The following SPATA6 variants were observed in gnomAD, a reference collection of about 807,000 sequenced individuals.
The protein encoded by SPATA6 is spermatogenesis associated 6.
Under a neutral mutation model 65.3 loss-of-function variants are expected in SPATA6, and 56 were observed. That is an observed-to-expected ratio of 0.86 (90% CI 0.69 to 1.07). The LOEUF is 1.07. Among genes scored for constraint, SPATA6 ranks in the 50% least tolerant of loss-of-function variants. The pLI is 0.00. For synonymous variants in SPATA6, 199 were observed against 213.2 expected, an observed-to-expected ratio of 0.93 and a Z score of 0.58; for missense variants, 590 against 594.8, an observed-to-expected ratio of 0.99 and a Z score of 0.08.
At chr1:48,292,010 A>C (rs1644771342), downstream of SPATA6, among the ~76,000 whole-genome samples, 1 of 152,240 alleles carries the variant, frequency 6.6e-6, no homozygotes, top group African/African-American at 2.4e-5. Context: ...CTCACCAAGC[A>C]TCTAAAGGAC....
At chr1:48,440,070 TC>T (rs1189204625) in intron 3 of SPATA6, among the ~76,000 whole-genome samples, 2 of 151,960 alleles carry the variant, frequency 1.3e-5, no homozygotes, top group East Asian at 3.9e-4. Flanking sequence ...TATCCTAGCC[TC>T]CCCATAGCTC....
At chr1:48,289,203 C>T in the SPATA6 span, among the ~76,000 whole-genome samples, 27 of 152,324 alleles carry the variant, frequency 1.8e-4, no homozygotes, top group African/African-American at 5.3e-4. Flanking sequence ...TGCTGTTCTG[C>T]AGCCTCCGCT....
intron 11 of SPATA6, among the ~76,000 whole-genome samples, chr1:48,326,833 C>T (rs1645776102): frequency 6.6e-6 from 1 of 152,056 alleles, no homozygotes; most frequent in Non-Finnish European, 1.5e-5. Flanking sequence ...TTATCTCTCA[C>T]CATACACAGT....
chr1:48,317,561 A>T (rs1645474074), intron 11 of SPATA6, among the ~76,000 whole-genome samples: 1 of 152,172 alleles, frequency 6.6e-6, no homozygotes, highest in Non-Finnish European at 1.5e-5. Context: ...TAGCATTAGG[A>T]GATATACCTA....
intron 3 of SPATA6, among the ~76,000 whole-genome samples, chr1:48,422,977 G>A (rs1015748801): frequency 2.6e-5 from 4 of 152,024 alleles, no homozygotes; most frequent in African/African-American, 9.7e-5. Context: ...ATGAATGGTA[G>A]TATACTCATA....
the SPATA6 span, among the ~76,000 whole-genome samples, chr1:48,279,579 CAAAG>C: frequency 2.0e-5 from 3 of 152,094 alleles, no homozygotes; most frequent in Non-Finnish European, 4.4e-5. Flanking sequence ...TAAAAAGAGA[CAAAG>C]AAGCCCATTA....
At chr1:48,281,361 G>T in the SPATA6 span, among the ~76,000 whole-genome samples, 4 of 151,652 alleles carry the variant, frequency 2.6e-5, no homozygotes, top group Non-Finnish European at 5.9e-5. Context: ...AGGAAATAAA[G>T]GGTATTCAAT....
intron 11 of SPATA6, among the ~76,000 whole-genome samples, chr1:48,354,233 ACAAT>A (rs1055554879): frequency 2.0e-5 from 3 of 152,150 alleles, no homozygotes; most frequent in African/African-American, 7.2e-5. Context: ...ATACACACAC[ACAAT>A]CAGTCAAAGA....
chr1:48,283,206 A>C, the SPATA6 span, among the ~76,000 whole-genome samples: 3 of 107,596 alleles, frequency 2.8e-5, no homozygotes, highest in South Asian at 3.6e-4. Flanking sequence ...GGGGGGAGGG[A>C]TAGCTTTAGG....
chr1:48,387,114 CAA>C (rs1649556289), intron 8 of SPATA6, among the ~76,000 whole-genome samples: 1 of 152,134 alleles, frequency 6.6e-6, no homozygotes, highest in African/African-American at 2.4e-5. Context: ...TGGCAGCAGG[CAA>C]AGAGAGAGAA....
At chr1:48,433,643 A>G (rs1048252710) in intron 3 of SPATA6, among the ~76,000 whole-genome samples, 5 of 152,172 alleles carry the variant, frequency 3.3e-5, no homozygotes, top group African/African-American at 1.2e-4. Context: ...CAGCACAAAC[A>G]GCTGCTATAA....
intron 3 of SPATA6, among the ~76,000 whole-genome samples, chr1:48,446,669 T>C (rs1557720777): frequency 6.6e-6 from 1 of 152,142 alleles, no homozygotes; most frequent in Admixed American, 6.6e-5. Flanking sequence ...ACCATCAGAT[T>C]ATATGAAGCA....
chr1:48,281,666 T>A, the SPATA6 span, among the ~76,000 whole-genome samples: 2 of 151,444 alleles, frequency 1.3e-5, no homozygotes, highest in South Asian at 4.2e-4. Flanking sequence ...TACAAACCAC[T>A]GCTCAATGAA....
At chr1:48,468,394 A>G (rs1287768447) in intron 1 of SPATA6, among the ~76,000 whole-genome samples, 2 of 152,234 alleles carry the variant, frequency 1.3e-5, no homozygotes, top group East Asian at 3.8e-4. Context: ...GTGGAGTAGT[A>G]TTCTATTGTA....
chr1:48,395,458 C>T (rs1021809247), intron 7 of SPATA6, 104 bp from the exon 8 acceptor site: 32 of 641,300 alleles, frequency 5.0e-5, no homozygotes, highest in Non-Finnish European at 6.9e-5. Context: ...CATATATAAT[C>T]AGGGAAACAT....
chr1:48,419,337 T>C (rs1278534266), intron 3 of SPATA6, among the ~76,000 whole-genome samples: 1 of 152,054 alleles, frequency 6.6e-6, no homozygotes, highest in East Asian at 1.9e-4. Flanking sequence ...AACTAGAAAA[T>C]AGTGATTTAC....
At chr1:48,310,618 C>A (rs577345030) in intron 11 of SPATA6, among the ~76,000 whole-genome samples, 1 of 152,226 alleles carries the variant, frequency 6.6e-6, no homozygotes, top group East Asian at 1.9e-4. Flanking sequence ...ACAGAACCAA[C>A]AGGATGTGTG....
chr1:48,445,983 C>T (rs72897207), intron 3 of SPATA6, among the ~76,000 whole-genome samples: 2,962 of 152,150 alleles, frequency 0.019, 62 homozygotes, highest in African/African-American at 0.053. Context: ...AAATACATCA[C>T]GCTAGGTCCA....
At chr1:48,325,694 C>G (rs537861196) in intron 11 of SPATA6, 2 of 573,206 alleles carry the variant, frequency 3.5e-6, no homozygotes, top group Non-Finnish European at 6.6e-6. Context: ...ATCCTCTTCA[C>G]CCGTCTTCTC....
Sources: gnomAD v4.1 joint callset for allele counts (sites outside exome capture counted in the v4.1 genomes callset) on GRCh38, gnomAD v4.1.1 for gene constraint, MANE v1.5 for transcripts, NCBI Gene and HGNC (gene_info 2026-07-23, HGNC 2026-07-21) for gene names.